Variants in MGAT5 observed in about 807,000 individuals in gnomAD.
The protein encoded by MGAT5 is alpha-1,6-mannosylglycoprotein 6-beta-N-acetylglucosaminyltransferase, also known as alpha-1,6-mannosylglycoprotein 6-beta-N-acetylglucosaminyltransferase A.
In MGAT5, 30 loss-of-function variants were observed where a neutral mutation model predicts 94.3. The observed-to-expected ratio is 0.32, with a 90% CI of 0.24 to 0.43. The LOEUF (loss-of-function observed/expected upper bound fraction) is 0.43. Among genes scored for constraint, MGAT5 ranks in the 20% least tolerant of loss-of-function variants. MGAT5 has a pLI of 1.00. For synonymous variants in MGAT5, 310 were observed against 322.9 expected (o/e 0.96, Z 0.43); for missense variants, 691 against 905.5 (o/e 0.76, Z 3.04).
At chr2:134,121,144 C>T (rs1338406958) in intron 1 of MGAT5, among the ~76,000 whole-genome samples, 1 of 152,318 alleles carries the variant, frequency 6.6e-6, no homozygotes, top group Middle Eastern at 3.4e-3. Context: ...TCTTTCGCGC[C>T]CCTGGCCCCT....
At chr2:134,127,093 TA>T (rs1331492411) in intron 1 of MGAT5, 1 of 154,824 alleles carries the variant, frequency 6.5e-6, no homozygotes, top group Non-Finnish European at 1.5e-5. Flanking sequence ...CCCTTTCCTG[TA>T]ATTTTTTAGA....
chr2:134,380,345 T>C (rs953782322), intron 10 of MGAT5, among the ~76,000 whole-genome samples: 1 of 152,222 alleles, frequency 6.6e-6, no homozygotes, highest in African/African-American at 2.4e-5. Context: ...TTGCACCACA[T>C]ACTTATTGCA....
intron 4 of MGAT5, among the ~76,000 whole-genome samples, chr2:134,322,574 C>A (rs1234493883): frequency 1.3e-5 from 2 of 152,076 alleles, no homozygotes; most frequent in African/African-American, 4.8e-5. Flanking sequence ...ACGTATGGAC[C>A]CAGTGCACCC....
At chr2:134,132,482 C>T (rs1053742046) in intron 1 of MGAT5, among the ~76,000 whole-genome samples, 1 of 152,188 alleles carries the variant, frequency 6.6e-6, no homozygotes, top group Non-Finnish European at 1.5e-5. Flanking sequence ...ATTTCATTGT[C>T]TTAAAAAATT....
intron 8 of MGAT5, among the ~76,000 whole-genome samples, chr2:134,349,274 T>G (rs1679208786): frequency 1.3e-5 from 2 of 152,102 alleles, no homozygotes; most frequent in African/African-American, 4.8e-5. Context: ...CTATCAGATA[T>G]ATAAAAAAAT....
chr2:134,274,202 T>C (rs1489065053), intron 2 of MGAT5, among the ~76,000 whole-genome samples: 1 of 152,274 alleles, frequency 6.6e-6, no homozygotes, highest in Non-Finnish European at 1.5e-5. Context: ...GTCTTGATTG[T>C]AGCCTTACCT....
At chr2:134,392,663 G>C (rs947661238) in intron 10 of MGAT5, among the ~76,000 whole-genome samples, 1 of 152,230 alleles carries the variant, frequency 6.6e-6, no homozygotes, top group Non-Finnish European at 1.5e-5. Flanking sequence ...TGAGGGGAGA[G>C]ATTATGTGCA....
chr2:134,235,228 C>G (rs1681573891), intron 1 of MGAT5, among the ~76,000 whole-genome samples: 1 of 152,126 alleles, frequency 6.6e-6, no homozygotes, highest in Non-Finnish European at 1.5e-5. Flanking sequence ...TGTTTCTCTT[C>G]CCTCAGTACC....
intron 1 of MGAT5, among the ~76,000 whole-genome samples, chr2:134,175,216 G>A (rs942006411): frequency 1.4e-4 from 22 of 152,214 alleles, no homozygotes; most frequent in African/African-American, 5.1e-4. Flanking sequence ...CCTAGAAAAT[G>A]TCTAAATATT....
At chr2:134,226,377 T>C (rs1681064774) in intron 1 of MGAT5, among the ~76,000 whole-genome samples, 1 of 152,224 alleles carries the variant, frequency 6.6e-6, no homozygotes, top group Non-Finnish European at 1.5e-5. Flanking sequence ...AAAGACTATG[T>C]GGGAAACCAG....
chr2:134,254,903 C>CTA (rs1479760547), intron 1 of MGAT5, among the ~76,000 whole-genome samples: 2 of 152,216 alleles, frequency 1.3e-5, no homozygotes, highest in Non-Finnish European at 2.9e-5. Flanking sequence ...GTGTTTGCAG[C>CTA]TAGCTCCTTC....
intron 1 of MGAT5, among the ~76,000 whole-genome samples, chr2:134,129,345 A>G (rs1057069882): frequency 6.6e-6 from 1 of 152,172 alleles, no homozygotes; most frequent in Non-Finnish European, 1.5e-5. Flanking sequence ...ATTAGATTAG[A>G]CCAAGCAGGT....
chr2:134,350,074 G>T, intron 9 of MGAT5, 136 bp downstream of exon 9: 2 of 566,934 alleles, frequency 3.5e-6, no homozygotes, highest in South Asian at 5.6e-5. Context: ...CTTTTCCTTG[G>T]GAATTACTGA....
chr2:134,132,636 A>G (rs550615573), intron 1 of MGAT5, among the ~76,000 whole-genome samples: 2 of 152,268 alleles, frequency 1.3e-5, no homozygotes, highest in African/African-American at 2.4e-5. Flanking sequence ...GTGACTGATA[A>G]GAGATGACCT....
intron 1 of MGAT5, among the ~76,000 whole-genome samples, chr2:134,228,430 G>A (rs1285539849): frequency 6.6e-6 from 1 of 152,130 alleles, no homozygotes; most frequent in Non-Finnish European, 1.5e-5. Flanking sequence ...ATAAACAAGT[G>A]TTTTTCTCCC....
intron 2 of MGAT5, among the ~76,000 whole-genome samples, chr2:134,271,283 T>G (rs1046641558): frequency 6.6e-6 from 1 of 151,968 alleles, no homozygotes. Flanking sequence ...GTCTTTGTGC[T>G]TGAACCAGGA....
intron 2 of MGAT5, among the ~76,000 whole-genome samples, chr2:134,271,221 C>G (rs767158729): frequency 8.6e-5 from 13 of 152,016 alleles, no homozygotes; most frequent in Admixed American, 1.3e-4. Context: ...ATTAGAACCC[C>G]CCCATCCCCG....
chr2:134,388,346 C>G (rs1682160859), intron 10 of MGAT5, among the ~76,000 whole-genome samples: 1 of 152,024 alleles, frequency 6.6e-6, no homozygotes, highest in Non-Finnish European at 1.5e-5. Context: ...CCCTCCGCCC[C>G]CAGAATATTG....
intron 2 of MGAT5, among the ~76,000 whole-genome samples, chr2:134,282,133 G>A (rs1018248012): frequency 1.3e-5 from 2 of 152,224 alleles, no homozygotes; most frequent in Middle Eastern, 3.2e-3. Context: ...TGGTGATGAA[G>A]ATAAACTGCC....
Sources: allele counts gnomAD v4.1 joint callset (sites outside exome capture counted in the v4.1 genomes callset), GRCh38; gene constraint gnomAD v4.1.1; transcripts MANE v1.5; gene names NCBI Gene and HGNC (gene_info 2026-07-23, HGNC 2026-07-21).